Variants in TRDN observed in about 807,000 individuals in gnomAD.
TRDN encodes triadin in skeletal muscle.
In TRDN, 161 loss-of-function variants were observed where a neutral mutation model predicts 149.7. That is an observed-to-expected ratio of 1.08 (90% CI 0.95 to 1.23). TRDN has a LOEUF of 1.23. Among genes scored for constraint, TRDN ranks in the 50% most tolerant of loss-of-function variants. The pLI is 0.00. For missense variants in TRDN, 896 were observed against 823.5 expected (o/e 1.09, Z -1.08); for synonymous variants, 294 against 250.5 (o/e 1.17, Z -1.64).
At chr6:123,470,963 C>T (rs945353613) in intron 9 of TRDN, 1 of 151,916 alleles carries the variant, frequency 6.6e-6, no homozygotes, top group East Asian at 1.9e-4. Flanking sequence ...GAAAAAAATC[C>T]CCGAATTCAT....
intron 10 of TRDN, among the ~76,000 whole-genome samples, chr6:123,463,268 C>T (rs1024454518): frequency 6.6e-6 from 1 of 150,972 alleles, no homozygotes; most frequent in Non-Finnish European, 1.5e-5. Context: ...ACCCGGGAGG[C>T]GGAGCTTGCA....
At chr6:123,316,889 G>A (rs960230843) in intron 23 of TRDN, among the ~76,000 whole-genome samples, 2 of 151,684 alleles carry the variant, frequency 1.3e-5, no homozygotes, top group African/African-American at 4.8e-5. Context: ...AAGCAATTTT[G>A]TCTTTGACTA....
At chr6:123,572,667 T>C (rs1782644070) in intron 1 of TRDN, among the ~76,000 whole-genome samples, 1 of 152,078 alleles carries the variant, frequency 6.6e-6, no homozygotes, top group African/African-American at 2.4e-5. Context: ...TAAGGGAAAA[T>C]AAAACTCTAC....
intron 20 of TRDN, among the ~76,000 whole-genome samples, chr6:123,362,715 C>T (rs1780948559): frequency 1.3e-5 from 2 of 152,140 alleles, no homozygotes; most frequent in African/African-American, 4.8e-5. Flanking sequence ...GGCTTTCAAC[C>T]TTGAAATATG....
intron 23 of TRDN, among the ~76,000 whole-genome samples, chr6:123,317,383 T>C (rs1303893390): frequency 6.6e-6 from 1 of 151,944 alleles, no homozygotes; most frequent in Non-Finnish European, 1.5e-5. Context: ...TAAGGGATAA[T>C]GCTACCAGCT....
intron 9 of TRDN, among the ~76,000 whole-genome samples, chr6:123,489,315 C>A (rs1180719704): frequency 2.0e-5 from 3 of 151,604 alleles, no homozygotes; most frequent in Non-Finnish European, 4.4e-5. Flanking sequence ...AACTGAGATT[C>A]AAAAAAACAA....
chr6:123,443,714 A>G (rs2114617151), intron 10 of TRDN, among the ~76,000 whole-genome samples: 1 of 150,208 alleles, frequency 6.7e-6, no homozygotes, highest in Non-Finnish European at 1.5e-5. Context: ...TAAGGAAGGC[A>G]TCTAGTTTCA....
intron 1 of TRDN, among the ~76,000 whole-genome samples, chr6:123,616,216 G>A (rs928747362): frequency 6.6e-6 from 1 of 152,054 alleles, no homozygotes; most frequent in Non-Finnish European, 1.5e-5. Flanking sequence ...GTCGTGGCAT[G>A]TGCCTGTGCT....
At chr6:123,356,822 T>G (rs1254217478) in intron 20 of TRDN, among the ~76,000 whole-genome samples, 2 of 151,258 alleles carry the variant, frequency 1.3e-5, no homozygotes, top group Non-Finnish European at 3.0e-5. Context: ...GAATCTGTAG[T>G]GATGATCCCT....
chr6:123,412,192 C>T (rs1773470644), intron 12 of TRDN, among the ~76,000 whole-genome samples: 1 of 152,126 alleles, frequency 6.6e-6, no homozygotes, highest in Non-Finnish European at 1.5e-5. Flanking sequence ...AGGACCTGAA[C>T]CTTGCCTTAA....
At chr6:123,514,188 A>C (rs765858225) in intron 6 of TRDN, among the ~76,000 whole-genome samples, 7 of 152,082 alleles carry the variant, frequency 4.6e-5, no homozygotes, top group Non-Finnish European at 1.0e-4. Flanking sequence ...AACATGGCAA[A>C]AACCCATCTC....
chr6:123,379,616 TTAAAA>T (rs1781638458), intron 16 of TRDN, among the ~76,000 whole-genome samples: 1 of 152,140 alleles, frequency 6.6e-6, no homozygotes, highest in Admixed American at 6.6e-5. Context: ...AGATTAAAAG[TTAAAA>T]TAAAGTCCCC....
At chr6:123,561,109 A>G (rs1781970663) in intron 2 of TRDN, among the ~76,000 whole-genome samples, 1 of 152,158 alleles carries the variant, frequency 6.6e-6, no homozygotes, top group South Asian at 2.1e-4. Context: ...CCTTTCCCAC[A>G]GGGTCTGAGA....
At chr6:123,394,111 G>A (rs1177524149) in intron 12 of TRDN, among the ~76,000 whole-genome samples, 2 of 152,120 alleles carry the variant, frequency 1.3e-5, no homozygotes, top group African/African-American at 4.8e-5. Flanking sequence ...CCAATCCCAA[G>A]TTCAAGCCTT....
intron 10 of TRDN, among the ~76,000 whole-genome samples, chr6:123,458,952 A>C (rs1483607785): frequency 6.6e-6 from 1 of 152,224 alleles, no homozygotes; most frequent in East Asian, 1.9e-4. Context: ...GTGTGTGTGC[A>C]TTGTAAATGC....
At chr6:123,529,061 C>T (rs1780086312) in intron 5 of TRDN, 1 of 1,421,460 alleles carries the variant, frequency 7.0e-7, no homozygotes, top group African/African-American at 1.4e-5. Flanking sequence ...TCTTTGACAT[C>T]AGAATTCTAA....
At chr6:123,244,919 TAA>T (rs1160100296) in intron 38 of TRDN, among the ~76,000 whole-genome samples, 2 of 152,088 alleles carry the variant, frequency 1.3e-5, no homozygotes, top group East Asian at 3.9e-4. Flanking sequence ...CTATAAGCCA[TAA>T]GAGAGTGGGG....
At chr6:123,403,981 T>C (rs1194864557) in intron 12 of TRDN, among the ~76,000 whole-genome samples, 1 of 152,134 alleles carries the variant, frequency 6.6e-6, no homozygotes, top group African/African-American at 2.4e-5. Flanking sequence ...ATAATTGGGA[T>C]ACTACATGTT....
At chr6:123,485,101 G>C (rs1703330941) in intron 9 of TRDN, among the ~76,000 whole-genome samples, 1 of 152,240 alleles carries the variant, frequency 6.6e-6, no homozygotes, top group African/African-American at 2.4e-5. Context: ...CATATAATCA[G>C]AAAGCAACTC....
Sources: gnomAD v4.1 joint callset for allele counts (sites outside exome capture counted in the v4.1 genomes callset) on GRCh38, gnomAD v4.1.1 for gene constraint, MANE v1.5 for transcripts, NCBI Gene and HGNC (gene_info 2026-07-23, HGNC 2026-07-21) for gene names.